The following APBB2 variants were observed in gnomAD, a reference collection of about 807,000 sequenced individuals.
APBB2 encodes the protein Fe65-like 1.
A neutral mutation model predicts 82.5 loss-of-function variants in APBB2; 38 were observed. That is an observed-to-expected ratio of 0.46 (90% confidence interval 0.36 to 0.60). The LOEUF is 0.60. APBB2 is among the 20% of genes least tolerant of loss of function. APBB2 has a pLI of 0.00. For missense variants in APBB2, 772 were observed against 972.3 expected, an observed-to-expected ratio of 0.79 and a Z score of 2.74; for synonymous variants, 341 against 368.2, an observed-to-expected ratio of 0.93 and a Z score of 0.85.
At chr4:40,984,317 C>T (rs1026514018) in intron 6 of APBB2, among the ~76,000 whole-genome samples, 2 of 152,166 alleles carry the variant, frequency 1.3e-5, no homozygotes, top group Admixed American at 6.5e-5. Context: ...AGCCCAGAGT[C>T]GGTTACCTTT....
intron 6 of APBB2, among the ~76,000 whole-genome samples, chr4:40,989,434 C>T (rs1801396950): frequency 6.6e-6 from 1 of 152,160 alleles, no homozygotes; most frequent in Non-Finnish European, 1.5e-5. Context: ...CTTTATGTCA[C>T]CACTTAGCTT....
intron 12 of APBB2, among the ~76,000 whole-genome samples, chr4:40,862,873 A>G (rs918223055): frequency 7.0e-6 from 1 of 143,614 alleles, no homozygotes; most frequent in African/African-American, 2.7e-5. Flanking sequence ...AAAAAAAAAA[A>G]AGCGCCACAA....
intron 6 of APBB2, among the ~76,000 whole-genome samples, chr4:40,975,872 A>G (rs1405483413): frequency 6.6e-6 from 1 of 152,064 alleles, no homozygotes; most frequent in African/African-American, 2.4e-5. Context: ...CTTATTTCTT[A>G]ACCCAGGACT....
chr4:41,106,998 G>A (rs1044982494), intron 2 of APBB2, among the ~76,000 whole-genome samples: 25 of 152,032 alleles, frequency 1.6e-4, no homozygotes, highest in African/African-American at 5.8e-4. Flanking sequence ...GCCAAAAGTG[G>A]GGCAGTTTGA....
Position 41,021,724 on chromosome 4 carries a change from G to A in APBB2, c.20-7326C>T, listed in dbSNP as rs1028025603. The stretch of plus-strand genomic sequence containing the variant: ...CCACCTGAGCTAGCAATGGCAACTC[G>A]CTTGGGTCCCCTTCCACACTGTGGA... On this transcript the variant is annotated intron_variant, in intron 5 of 17. Coordinates refer to ENST00000508593, the MANE Select transcript of APBB2 (RefSeq NM_004307.2). Among the ~76,000 whole-genome samples the A allele has an allele frequency of 3.9e-5, 6 of 152,098 alleles. No homozygotes were observed. In the East Asian group the frequency reaches 7.7e-4, roughly 20 times the overall value.
chr4:40,965,397 T>C (rs1256944599), intron 6 of APBB2, among the ~76,000 whole-genome samples: 1 of 152,156 alleles, frequency 6.6e-6, no homozygotes, highest in African/African-American at 2.4e-5. Flanking sequence ...TAAATAATTA[T>C]TGGAGGGGCC....
rs1025558621 is a variant in APBB2, at chr4:40,832,743, G to A, written c.1530-2166C>T. 6.6e-6 allele frequency among the ~76,000 whole-genome samples: 1 copy of A among 152,220 alleles called. No homozygotes were observed. Among genetic ancestry groups the A allele is most frequent in the Non-Finnish European group, 1.5e-5 (1 of 68,042 alleles). Reference sequence around the variant, plus strand: ...CAGTACATACACGGGGGCACAGCAAGTGTCTGAGTGTGTCTTCCCCTCAAC... The same window carrying A: ...CAGTACATACACGGGGGCACAGCAAATGTCTGAGTGTGTCTTCCCCTCAAC... On this transcript the variant is annotated intron_variant, in intron 12 of 17. Transcript: ENST00000508593. This position sits in a 1 kb window ranked among gnomAD's most constrained non-coding sequence, Gnocchi z 4.8.
In APBB2 at chr4:40,811,200, T is replaced by C. The variant is rs776732684; in HGVS notation, c.*4892A>G. The C allele has an allele frequency of 6.6e-6, 1 of 152,196 alleles. No individual in the cohort carries two copies. The highest frequency in any genetic ancestry group is 6.5e-5 in the Admixed American group (1 of 15,284). 9.4% of individuals were successfully genotyped at this position (152,196 alleles called of 1,614,324 possible). A position where few individuals can be genotyped will look rare whatever the true frequency, so the allele number is the denominator to read the frequency against. On this transcript the variant is annotated 3_prime_UTR_variant, in exon 18 of 18. Coordinates refer to ENST00000508593, the MANE Select transcript of APBB2 (RefSeq NM_004307.2). ...ATTAATTACACTGCAGTTTTCTTCT[T>C]TGAGAATCTTCTATGAAGGACAGGA...
chr4:41,026,609 T>A (rs1714356582), intron 5 of APBB2, among the ~76,000 whole-genome samples: 1 of 152,238 alleles, frequency 6.6e-6, no homozygotes, highest in Non-Finnish European at 1.5e-5. Flanking sequence ...GTGACTGGCT[T>A]CTCTCATTTA....
At chr4:41,045,656 C>G (rs1723133272) in intron 4 of APBB2, among the ~76,000 whole-genome samples, 1 of 152,142 alleles carries the variant, frequency 6.6e-6, no homozygotes, top group Non-Finnish European at 1.5e-5. Flanking sequence ...GGATTTTACT[C>G]TATTTCTTTC....
chr4:40,849,174 C>T (rs760967810), intron 12 of APBB2, among the ~76,000 whole-genome samples: 1 of 152,196 alleles, frequency 6.6e-6, no homozygotes, highest in Non-Finnish European at 1.5e-5. Flanking sequence ...TCACAGACAG[C>T]GCTTTTAAAA....
chr4:40,995,221 T>C (rs1803312834), intron 6 of APBB2, among the ~76,000 whole-genome samples: 1 of 152,206 alleles, frequency 6.6e-6, no homozygotes, highest in Admixed American at 6.5e-5. Context: ...TACACTGGCA[T>C]TGAGAATGTG....
chr4:41,117,207 C>A (rs1323507793), intron 2 of APBB2, among the ~76,000 whole-genome samples: 1 of 151,818 alleles, frequency 6.6e-6, no homozygotes, highest in Admixed American at 6.6e-5. Flanking sequence ...ATGGGTGAGG[C>A]CAGAGTCTGG....
At chr4:41,202,294 C>T (rs899297010) in intron 1 of APBB2, among the ~76,000 whole-genome samples, 1 of 152,196 alleles carries the variant, frequency 6.6e-6, no homozygotes, top group Non-Finnish European at 1.5e-5. Flanking sequence ...GCAATCCATA[C>T]AAGTAGAATT....
intron 3 of APBB2, among the ~76,000 whole-genome samples, chr4:41,095,887 C>T (rs955639347): frequency 6.6e-6 from 1 of 152,166 alleles, no homozygotes; most frequent in African/African-American, 2.4e-5. Context: ...TGTTTAGAAA[C>T]TCCAAGTCTC....
chr4:41,137,232 T>C (rs972199459), intron 2 of APBB2, among the ~76,000 whole-genome samples: 15 of 152,178 alleles, frequency 9.9e-5, no homozygotes, highest in Admixed American at 6.5e-5. Context: ...TTACCATTAA[T>C]GAAAATACTT....
In APBB2 at chr4:40,946,254, A is replaced by AAAAAAAAAAAAC. The variant is rs1553875174; in HGVS notation, c.836-1182_836-1181insGTTTTTTTTTTT. 8.5e-4 allele frequency among the ~76,000 whole-genome samples: 97 copies of AAAAAAAAAAAAC among 114,590 alleles called. 8 individuals carry two copies. The highest frequency in any genetic ancestry group is 1.7e-3 in the African/African-American group (51 of 30,324). 75.2% of individuals were successfully genotyped at this position (114,590 alleles called of 152,430 possible). A position where few individuals can be genotyped will look rare whatever the true frequency, so the allele number is the denominator to read the frequency against. On this transcript the variant is annotated intron_variant, in intron 6 of 17. Transcript: ENST00000508593. ...CTCCAAAAAAAAAAAAAAAAAAAAA[A>AAAAAAAAAAAAC]CATTCCCAAGGAAAGCAGATTGGAA...
intron 3 of APBB2, among the ~76,000 whole-genome samples, chr4:41,080,948 C>A (rs74430949): frequency 6.6e-6 from 1 of 152,218 alleles, no homozygotes; most frequent in Admixed American, 6.5e-5. Context: ...TTAGGAGTTT[C>A]ACCATGTAGG....
intron 1 of APBB2, among the ~76,000 whole-genome samples, chr4:41,144,889 G>T (rs1760264277): frequency 6.6e-6 from 1 of 152,200 alleles, no homozygotes; most frequent in South Asian, 2.1e-4. Flanking sequence ...GGAGGCTAAG[G>T]CCAGAGGATC....
Sources: allele counts gnomAD v4.1 joint callset (sites outside exome capture counted in the v4.1 genomes callset), GRCh38; gene constraint gnomAD v4.1.1; non-coding constraint Gnocchi (gnomAD v3.1); transcripts MANE v1.5; gene names NCBI Gene and HGNC (gene_info 2026-07-23, HGNC 2026-07-21).